Variants in ADAMTS16 observed in about 807,000 individuals in gnomAD.
ADAMTS16 encodes the protein ADAM metallopeptidase with thrombospondin type 1 motif 16.
In ADAMTS16, 94 loss-of-function variants were observed where a neutral mutation model predicts 145.8. That is an observed-to-expected ratio of 0.64 (90% confidence interval 0.55 to 0.77). The LOEUF (loss-of-function observed/expected upper bound fraction) is 0.77, where lower values mean the gene tolerates loss of function less well. Ranked by LOEUF, ADAMTS16 falls within the 30% of genes least tolerant of loss-of-function variation. ADAMTS16 has a pLI of 0.00. For synonymous variants in ADAMTS16, 659 were observed against 604.3 expected (o/e 1.09, Z -1.33); for missense variants, 1,585 against 1,591.5 (o/e 1.00, Z 0.07).
intron 8 of ADAMTS16, among the ~76,000 whole-genome samples, chr5:5,192,532 C>G (rs2126578831): frequency 6.6e-6 from 1 of 152,254 alleles, no homozygotes; most frequent in South Asian, 2.1e-4. Context: ...TGGGTACTGA[C>G]AAGAGATCAG....
chr5:5,316,605 G>A (rs1267356377), intron 21 of ADAMTS16, among the ~76,000 whole-genome samples: 1 of 152,158 alleles, frequency 6.6e-6, no homozygotes, highest in African/African-American at 2.4e-5. Context: ...GCTCATGAAA[G>A]ATAATCTAAC....
chr5:5,299,679 C>G (rs184815085), intron 18 of ADAMTS16, among the ~76,000 whole-genome samples: 3 of 152,218 alleles, frequency 2.0e-5, no homozygotes, highest in Admixed American at 2.0e-4. Context: ...TTGAGAGCCA[C>G]AAAGGAGCAC....
chr5:5,209,181 G>T lies in ADAMTS16; in HGVS notation c.1540G>T (p.Ala514Ser), dbSNP rs1366390597. 6.2e-7 allele frequency: 1 copy of T among 1,613,946 alleles called. No homozygotes were observed. The highest frequency in any genetic ancestry group is 8.5e-7 in the Non-Finnish European group (1 of 1,179,928). Residue 514 changes from alanine (A) to serine (S), a missense_variant, in exon 10 of 23, where the codon GCA becomes TCA. Coordinates refer to ENST00000274181, the MANE Select transcript of ADAMTS16 (RefSeq NM_139056.4). The part of the protein sequence containing the change: ...PEKLPGELYD[A>S]NTQCKWQFGE... ...GAAATTGCCAGGAGAATTATATGAT[G>T]CAAACACACAGTGCAAGTGGCAGTT...
intron 2 of ADAMTS16, among the ~76,000 whole-genome samples, chr5:5,145,625 A>C (rs1469612679): frequency 6.6e-6 from 1 of 152,244 alleles, no homozygotes; most frequent in Non-Finnish European, 1.5e-5. Flanking sequence ...GCCCCCAGTA[A>C]AGGACGAATA....
intron 18 of ADAMTS16, among the ~76,000 whole-genome samples, chr5:5,272,825 G>C (rs1324629891): frequency 6.6e-6 from 1 of 152,186 alleles, no homozygotes; most frequent in African/African-American, 2.4e-5. Context: ...AATCTACTAT[G>C]CATTCATTAC....
chr5:5,308,806 C>T lies in ADAMTS16; in HGVS notation c.3411+2078C>T, dbSNP rs373157045. Among the ~76,000 whole-genome samples, 10 of 151,918 alleles carry T rather than the reference C, an allele frequency of 6.6e-5. No homozygotes were observed. The East Asian group carries it at 7.7e-4, about 12-fold the overall frequency. ...TCTACTAAAAAATACAAAAATTAACCGGGTGTGGTGGTGCACGCCTGTAAT... is the reference window on the plus strand; with the variant it reads ...TCTACTAAAAAATACAAAAATTAACTGGGTGTGGTGGTGCACGCCTGTAAT... On this transcript the variant is annotated intron_variant, in intron 21 of 22. Transcript: ENST00000274181.
At chr5:5,172,660 A>G (rs1259696355) in intron 3 of ADAMTS16, among the ~76,000 whole-genome samples, 1 of 152,178 alleles carries the variant, frequency 6.6e-6, no homozygotes, top group African/African-American at 2.4e-5. Flanking sequence ...GTGGCCTAAC[A>G]TATGGTCTGT....
intron 4 of ADAMTS16, among the ~76,000 whole-genome samples, chr5:5,183,276 G>A (rs1041532723): frequency 6.6e-6 from 1 of 152,206 alleles, no homozygotes; most frequent in African/African-American, 2.4e-5. Flanking sequence ...ACAAACGGAG[G>A]TGAGCAGGAG....
intron 14 of ADAMTS16, among the ~76,000 whole-genome samples, chr5:5,237,858 T>C (rs1479486606): frequency 3.9e-5 from 6 of 152,056 alleles, no homozygotes; most frequent in African/African-American, 1.2e-4. Context: ...CTTACCCTGA[T>C]TGGCAGAGGG....
chr5:5,294,339 G>T (rs75286446), intron 18 of ADAMTS16, among the ~76,000 whole-genome samples: 4,684 of 152,260 alleles, frequency 0.031, 238 homozygotes, highest in African/African-American at 0.11. Context: ...GACAAAGGAA[G>T]ATTTATTTTA....
chr5:5,189,655 T>A (rs1312812828), intron 6 of ADAMTS16, among the ~76,000 whole-genome samples: 4 of 152,226 alleles, frequency 2.6e-5, no homozygotes, highest in Non-Finnish European at 5.9e-5. Context: ...TTTTGAAAAG[T>A]GTTTTTGAAA....
chr5:5,249,366 A>T (rs1486495927), intron 17 of ADAMTS16, among the ~76,000 whole-genome samples: 1 of 152,136 alleles, frequency 6.6e-6, no homozygotes, highest in Non-Finnish European at 1.5e-5. Context: ...ATGTCTTATT[A>T]CTGGATAATG....
rs754226599 is a variant in ADAMTS16, at chr5:5,306,668, C to T, written c.3351C>T (p.His1117=). 3.7e-6 allele frequency: 6 copies of T among 1,613,872 alleles called. No individual in the cohort carries two copies. In the South Asian group the frequency reaches 6.6e-5, roughly 18 times the overall value. Residue 1117 remains histidine (H), a synonymous_variant, in exon 21 of 23, where the codon CAC becomes CAT. Transcript: ENST00000274181. Reference sequence around the variant, plus strand: ...GCGCCCCGCTTCCATGCCCCAGGCACCCCCCATTTGCTGCTGCGGGACCCT... The same window carrying T: ...GCGCCCCGCTTCCATGCCCCAGGCATCCCCCATTTGCTGCTGCGGGACCCT... ...RACAPLPCPR[H]PPFAAAGPSR...
intron 21 of ADAMTS16, among the ~76,000 whole-genome samples, chr5:5,309,667 T>C (rs1019400371): frequency 6.6e-5 from 10 of 152,146 alleles, no homozygotes; most frequent in Non-Finnish European, 1.5e-4. Flanking sequence ...GTTTTGACAG[T>C]ATCATCTTTA....
intron 2 of ADAMTS16, among the ~76,000 whole-genome samples, chr5:5,145,851 G>A (rs1186086519): frequency 1.3e-5 from 2 of 152,170 alleles, no homozygotes; most frequent in African/African-American, 4.8e-5. Flanking sequence ...GAGTGGCTGG[G>A]AGGGCAGATG....
intron 18 of ADAMTS16, among the ~76,000 whole-genome samples, chr5:5,273,177 A>T (rs1264984167): frequency 6.6e-6 from 1 of 152,144 alleles, no homozygotes; most frequent in Non-Finnish European, 1.5e-5. Flanking sequence ...CTTTGCAAAG[A>T]CATCTAACCA....
intron 14 of ADAMTS16, among the ~76,000 whole-genome samples, chr5:5,238,633 G>T (rs1737185229): frequency 6.6e-6 from 1 of 152,166 alleles, no homozygotes; most frequent in South Asian, 2.1e-4. Context: ...GTTAGAAAGT[G>T]TAATACAAAC....
chr5:5,153,342 A>C (rs1390292747), intron 3 of ADAMTS16, among the ~76,000 whole-genome samples: 1 of 152,260 alleles, frequency 6.6e-6, no homozygotes, highest in Non-Finnish European at 1.5e-5. Flanking sequence ...ACTCTTCAAG[A>C]GTCGTTTATC....
At chr5:5,273,249 G>A (rs1241507975) in intron 18 of ADAMTS16, among the ~76,000 whole-genome samples, 1 of 152,234 alleles carries the variant, frequency 6.6e-6, no homozygotes, top group Non-Finnish European at 1.5e-5. Flanking sequence ...TGCTGGGCCT[G>A]GCCCAGTGAC....
Sources: gnomAD v4.1 joint callset for allele counts (sites outside exome capture counted in the v4.1 genomes callset) on GRCh38, gnomAD v4.1.1 for gene constraint, MANE v1.5 for transcripts, NCBI Gene and HGNC (gene_info 2026-07-23, HGNC 2026-07-21) for gene names.